Variants in PIP5K1B observed in about 807,000 individuals in gnomAD.
The protein encoded by PIP5K1B is phosphatidylinositol 4-phosphate 5-kinase type-1 beta.
Under a neutral mutation model 67.0 loss-of-function variants are expected in PIP5K1B, and 42 were observed. That is an observed-to-expected ratio of 0.63 (90% CI 0.49 to 0.81). The LOEUF (loss-of-function observed/expected upper bound fraction) is 0.81, where lower values mean the gene tolerates loss of function less well. PIP5K1B is among the 30% of genes least tolerant of loss of function. The pLI is 0.00. For synonymous variants in PIP5K1B, 214 were observed against 231.4 expected (o/e 0.92, Z 0.68); for missense variants, 459 against 646.3 (o/e 0.71, Z 3.14).
At chr9:68,746,911 T>C (rs12380573) in intron 2 of PIP5K1B, among the ~76,000 whole-genome samples, 18,427 of 152,152 alleles carry the variant, frequency 0.12, 1,227 homozygotes, top group Non-Finnish European at 0.16. Context: ...ATCCCCAAAG[T>C]TGTCATAGCC....
chr9:68,807,631 A>G (rs1217791611), intron 2 of PIP5K1B, among the ~76,000 whole-genome samples: 1 of 152,236 alleles, frequency 6.6e-6, no homozygotes, highest in Non-Finnish European at 1.5e-5. Context: ...GCAGGCTGCT[A>G]CAGGAACAAA....
chr9:68,909,393 G>A (rs1351380686), intron 8 of PIP5K1B, among the ~76,000 whole-genome samples: 1 of 148,944 alleles, frequency 6.7e-6, no homozygotes, highest in Non-Finnish European at 1.5e-5. Flanking sequence ...ATCCCTAAAA[G>A]CTAAGGACTC....
At chr9:68,754,841 A>G (rs1829843035) in intron 2 of PIP5K1B, among the ~76,000 whole-genome samples, 1 of 152,174 alleles carries the variant, frequency 6.6e-6, no homozygotes, top group Non-Finnish European at 1.5e-5. Flanking sequence ...CACTATCATA[A>G]ATGATTTGTG....
At position 68,719,484 on chromosome 9, in the gene PIP5K1B, G is replaced by C. The variant is rs114921902; in HGVS notation, c.-243+13722G>C. On this transcript the variant is annotated intron_variant, in intron 1 of 15. Coordinates refer to ENST00000265382, the MANE Select transcript of PIP5K1B (RefSeq NM_003558.4). The stretch of plus-strand genomic sequence containing the variant: ...AATTAACTTATTTTTAAGGAGTGAT[G>C]TGAACCAGACTGTTCTGAGGTTTAC... 3.2e-3 allele frequency among the ~76,000 whole-genome samples: 480 copies of C among 152,328 alleles called. 2 individuals are homozygous for C. Among genetic ancestry groups the C allele is most frequent in the African/African-American group, 0.011 (455 of 41,568 alleles).
chr9:68,785,144 T>C (rs1029090540), intron 2 of PIP5K1B, among the ~76,000 whole-genome samples: 5 of 152,120 alleles, frequency 3.3e-5, no homozygotes, highest in Admixed American at 6.5e-5. Context: ...GGTTTGGGAA[T>C]TGGTTAAGTG....
chr9:68,754,233 G>C (rs1237102778), intron 2 of PIP5K1B, among the ~76,000 whole-genome samples: 5 of 138,682 alleles, frequency 3.6e-5, no homozygotes, highest in African/African-American at 1.4e-4. Flanking sequence ...ACAGTGGCGC[G>C]ATCTTGGCTC....
intron 12 of PIP5K1B, among the ~76,000 whole-genome samples, chr9:68,934,391 T>G (rs972041748): frequency 3.3e-5 from 5 of 152,160 alleles, no homozygotes; most frequent in African/African-American, 9.7e-5. Context: ...CAACCAGAAG[T>G]AACTTGGCTA....
chr9:68,751,437 C>G (rs1303516509), intron 2 of PIP5K1B, among the ~76,000 whole-genome samples: 1 of 152,174 alleles, frequency 6.6e-6, no homozygotes, highest in African/African-American at 2.4e-5. Flanking sequence ...GAATTGATCT[C>G]TTGTGAGCTT....
chr9:68,900,112 G>A (rs58625220), intron 8 of PIP5K1B, among the ~76,000 whole-genome samples: 17,889 of 152,084 alleles, frequency 0.12, 1,472 homozygotes, highest in East Asian at 0.34. Context: ...TCTTTTTATG[G>A]CTACATAGTA....
chr9:68,925,714 A>G (rs1474706352), intron 12 of PIP5K1B, among the ~76,000 whole-genome samples: 1 of 151,186 alleles, frequency 6.6e-6, no homozygotes, highest in Non-Finnish European at 1.5e-5. Flanking sequence ...TATTTGCCCA[A>G]GGTTTCTTTG....
chr9:68,762,366 C>A (rs2132393042), intron 2 of PIP5K1B, among the ~76,000 whole-genome samples: 1 of 152,118 alleles, frequency 6.6e-6, no homozygotes, highest in South Asian at 2.1e-4. Flanking sequence ...ATTCATAATG[C>A]CCATAGTGAA....
At chr9:68,985,717 G>A (rs937893309) in intron 14 of PIP5K1B, among the ~76,000 whole-genome samples, 4 of 152,200 alleles carry the variant, frequency 2.6e-5, no homozygotes, top group Admixed American at 6.5e-5. Flanking sequence ...AGGCCTCCAC[G>A]GGCCTGCACT....
At chr9:68,937,574 T>C (rs1827328611) in intron 13 of PIP5K1B, among the ~76,000 whole-genome samples, 1 of 152,214 alleles carries the variant, frequency 6.6e-6, no homozygotes, top group African/African-American at 2.4e-5. Flanking sequence ...GCATTGATTT[T>C]TTTGAAGGGT....
chr9:68,762,682 C>T (rs145395599), intron 2 of PIP5K1B, among the ~76,000 whole-genome samples: 156 of 152,224 alleles, frequency 1.0e-3, no homozygotes, highest in Non-Finnish European at 1.9e-3. Context: ...TTTAGACTTG[C>T]ACTTATGAAG....
chr9:68,824,028 G>A (rs557267451), intron 4 of PIP5K1B: 5 of 506,688 alleles, frequency 9.9e-6, no homozygotes, highest in African/African-American at 5.8e-5. Flanking sequence ...GCTCAGAAGT[G>A]CCGCAGTATA....
intron 14 of PIP5K1B, among the ~76,000 whole-genome samples, chr9:68,981,232 T>C (rs1829867702): frequency 1.3e-5 from 2 of 152,018 alleles, no homozygotes; most frequent in African/African-American, 4.8e-5. Context: ...CGGTGTGTGG[T>C]TGATGGAATA....
chr9:68,709,049 T>C (rs1827259605), intron 1 of PIP5K1B, among the ~76,000 whole-genome samples: 1 of 152,210 alleles, frequency 6.6e-6, no homozygotes, highest in African/African-American at 2.4e-5. Context: ...AGAAGGTTCA[T>C]ATTTGAGTTT....
intron 12 of PIP5K1B, among the ~76,000 whole-genome samples, chr9:68,933,864 A>C (rs533702863): frequency 3.2e-4 from 49 of 152,180 alleles, no homozygotes; most frequent in Non-Finnish European, 6.3e-4. Flanking sequence ...GTCCTTCTCC[A>C]ATTAAGTTCT....
At chr9:68,957,422 T>C (rs1472432487) in intron 14 of PIP5K1B, among the ~76,000 whole-genome samples, 1 of 152,154 alleles carries the variant, frequency 6.6e-6, no homozygotes, top group East Asian at 1.9e-4. Context: ...GAGAGAAAGA[T>C]ATCTTTTTTT....
Sources: allele counts gnomAD v4.1 joint callset (sites outside exome capture counted in the v4.1 genomes callset), GRCh38; gene constraint gnomAD v4.1.1; transcripts MANE v1.5; gene names NCBI Gene and HGNC (gene_info 2026-07-23, HGNC 2026-07-21).